Variants in ADAM9 observed in about 807,000 individuals in gnomAD.
The protein encoded by ADAM9 is ADAM metallopeptidase domain 9.
Under a neutral mutation model 108.1 loss-of-function variants are expected in ADAM9, and 54 were observed. The observed-to-expected ratio is 0.50, with a 90% CI of 0.40 to 0.63. ADAM9 has a LOEUF of 0.63. ADAM9 is among the 20% of genes least tolerant of loss of function. ADAM9 has a pLI of 0.00. For missense variants in ADAM9, 830 were observed against 997.7 expected, an observed-to-expected ratio of 0.83 and a Z score of 2.26; for synonymous variants, 316 against 336.0, an observed-to-expected ratio of 0.94 and a Z score of 0.65.
At chr8:39,099,053 A>AT (rs1298876881) in intron 20 of ADAM9, among the ~76,000 whole-genome samples, 1 of 151,970 alleles carries the variant, frequency 6.6e-6, no homozygotes, top group Non-Finnish European at 1.5e-5. Context: ...CATGGAGACT[A>AT]TTTTTTTAGT....
intron 11 of ADAM9, among the ~76,000 whole-genome samples, chr8:39,038,306 GTA>G (rs2129435882): frequency 6.6e-6 from 1 of 152,220 alleles, no homozygotes; most frequent in Admixed American, 6.5e-5. Flanking sequence ...TTTGCTGACT[GTA>G]TCTCTCATGA....
At chr8:39,078,361 T>C (rs1408173738) in intron 16 of ADAM9, among the ~76,000 whole-genome samples, 1 of 60,086 alleles carries the variant, frequency 1.7e-5, no homozygotes, top group Non-Finnish European at 3.2e-5. Flanking sequence ...AGACTCTGTC[T>C]CAAAAAAAAA....
At position 39,045,038 on chromosome 8, in the gene ADAM9, ATATG is replaced by A. The variant is rs1489902314; in HGVS notation, c.1302+2927_1302+2930del. Among the ~76,000 whole-genome samples the A allele has an allele frequency of 5.5e-4, 35 of 63,726 alleles. 5 individuals carry two copies. The highest frequency in any genetic ancestry group is 2.6e-3 in the African/African-American group (32 of 12,222). 41.8% of individuals were successfully genotyped at this position (63,726 alleles called of 152,430 possible). A position where few individuals can be genotyped will look rare whatever the true frequency, so the allele number is the denominator to read the frequency against. ...TGTGTATGTGTGTGTGCATACATACATATGTATGTGTATGTGTGTGTGCATACAT... is the reference window on the plus strand; with the variant it reads ...TGTGTATGTGTGTGTGCATACATACATATGTGTATGTGTGTGTGCATACAT... On this transcript the variant is annotated intron_variant, in intron 12 of 21. Coordinates refer to ENST00000487273, the MANE Select transcript of ADAM9 (RefSeq NM_003816.3).
intron 8 of ADAM9, 115 bp downstream of exon 8, chr8:39,021,829 G>T: frequency 1.1e-6 from 1 of 880,028 alleles, no homozygotes. Flanking sequence ...CAATGACTTA[G>T]TCTTTCAGAG....
intron 2 of ADAM9, among the ~76,000 whole-genome samples, chr8:39,009,517 G>A (rs1373977277): frequency 1.3e-5 from 2 of 152,204 alleles, no homozygotes; most frequent in Non-Finnish European, 2.9e-5. Context: ...GGGATTACAG[G>A]CATGAGCCAC....
At chr8:39,091,235 A>T (rs532235737) in intron 19 of ADAM9, 24 bp from the exon 20 acceptor site, 8 of 1,601,338 alleles carry the variant, frequency 5.0e-6, no homozygotes, top group African/African-American at 1.3e-5. Context: ...CTTAATTTAG[A>T]TCAAAAGTAA....
intron 6 of ADAM9, among the ~76,000 whole-genome samples, 196 bp downstream of exon 6, chr8:39,017,610 G>A (rs933441252): frequency 6.6e-6 from 1 of 152,156 alleles, no homozygotes; most frequent in Admixed American, 6.5e-5. Flanking sequence ...GTTGAGTACA[G>A]TTTAGATCCT....
At chr8:39,036,248 T>C (rs1564281031) in intron 11 of ADAM9, among the ~76,000 whole-genome samples, 1 of 152,182 alleles carries the variant, frequency 6.6e-6, no homozygotes, top group Non-Finnish European at 1.5e-5. Context: ...GGTGCCTTTC[T>C]AGAAAAATGG....
intron 11 of ADAM9, among the ~76,000 whole-genome samples, chr8:39,034,254 T>A (rs1408546220): frequency 6.6e-6 from 1 of 152,204 alleles, no homozygotes. Flanking sequence ...ATGGAAATTA[T>A]GCAGTCTTTT....
intron 11 of ADAM9, among the ~76,000 whole-genome samples, chr8:39,030,523 A>G (rs1262919434): frequency 1.3e-5 from 2 of 152,206 alleles, no homozygotes; most frequent in Non-Finnish European, 2.9e-5. Flanking sequence ...GTTGCTTCTA[A>G]GCTTTGGCAA....
chr8:39,007,851 T>C, intron 1 of ADAM9, 35 bp from the exon 2 acceptor site: 1 of 1,464,264 alleles, frequency 6.8e-7, no homozygotes, highest in South Asian at 1.1e-5. Context: ...GTTTTTCAGT[T>C]TCACTTATTA....
chr8:39,041,132 A>T (rs7821437), intron 11 of ADAM9, among the ~76,000 whole-genome samples: 60,075 of 151,972 alleles, frequency 0.4, 13,336 homozygotes, highest in East Asian at 0.73. Context: ...TCAAAGATAT[A>T]GGTGATGTAT....
chr8:39,064,025 G>A (rs560473141), intron 14 of ADAM9, among the ~76,000 whole-genome samples: 11 of 152,054 alleles, frequency 7.2e-5, no homozygotes, highest in African/African-American at 2.2e-4. Flanking sequence ...GAATCCCTGC[G>A]CTTATCATCT....
Position 39,091,343 on chromosome 8 carries a change from A to G in ADAM9, c.2295A>G (p.Glu765=). 6.2e-7 allele frequency: 1 copy of G among 1,613,230 alleles called. No individual in the cohort carries two copies. The highest frequency in any genetic ancestry group is 8.5e-7 in the Non-Finnish European group (1 of 1,179,218). ...RHVSPVTPPR[E]VPIYANRFAV... ...TTTCTCCAGTGACACCTCCCAGAGA[A>G]GTTGTAAGTATAAAATGAAAAATTA... Residue 765 remains glutamate, a synonymous_variant, in exon 20 of 22, where the codon GAA becomes GAG. Transcript: ENST00000487273.
At chr8:39,036,866 ATT>A (rs113532674) in intron 11 of ADAM9, among the ~76,000 whole-genome samples, 11 of 142,664 alleles carry the variant, frequency 7.7e-5, no homozygotes, top group Admixed American at 1.4e-4. Context: ...ATGTGGGTGA[ATT>A]TTTTTTTTTT....
chr8:39,061,478 T>A (rs919611253), intron 14 of ADAM9, among the ~76,000 whole-genome samples: 2 of 152,186 alleles, frequency 1.3e-5, no homozygotes, highest in Non-Finnish European at 2.9e-5. Flanking sequence ...CTCAATTATT[T>A]CAGATATAGG....
At chr8:39,038,834 G>A (rs776290529) in intron 11 of ADAM9, among the ~76,000 whole-genome samples, 17 of 152,154 alleles carry the variant, frequency 1.1e-4, no homozygotes, top group Non-Finnish European at 2.2e-4. Context: ...TTTTCTTTCC[G>A]TGAGTCAGAA....
Position 39,077,349 on chromosome 8 carries a change from C to G in ADAM9, c.1819C>G (p.Leu607Val). The G allele has an allele frequency of 6.2e-7, 1 of 1,613,874 alleles. No individual in the cohort carries two copies. ...CAAATGTTGGGGTGTGGATTTCCAGCTAGGATCAGATGTTCCAGATCCTGG... is the reference window on the plus strand; with the variant it reads ...CAAATGTTGGGGTGTGGATTTCCAGGTAGGATCAGATGTTCCAGATCCTGG... Reference protein sequence around the residue: ...GTKCWGVDFQLGSDVPDPGMV... With the variant: ...GTKCWGVDFQVGSDVPDPGMV... Residue 607 changes from leucine (L) to valine (V), a missense_variant, in exon 16 of 22, where the codon CTA becomes GTA. This residue lies in a region of ADAM9 where 381 missense variants were observed against 539.8 expected (regional missense o/e 0.71). Transcript: ENST00000487273.
chr8:39,018,270 T>C (rs1279328342), intron 6 of ADAM9, among the ~76,000 whole-genome samples: 3 of 152,014 alleles, frequency 2.0e-5, no homozygotes, highest in Admixed American at 2.0e-4. Context: ...TCCACTCTTT[T>C]GACTTGGGCT....
Sources: gnomAD v4.1 joint callset for allele counts (sites outside exome capture counted in the v4.1 genomes callset) on GRCh38, gnomAD v4.1.1 for gene constraint, gnomAD v4.1.1 regional missense constraint, MANE v1.5 for transcripts, NCBI Gene and HGNC (gene_info 2026-07-23, HGNC 2026-07-21) for gene names.